The following TAOK1 variants were observed in gnomAD, a reference collection of about 807,000 sequenced individuals.
The protein encoded by TAOK1 is serine/threonine-protein kinase TAO1.
TAOK1 carries 21 observed loss-of-function variants against 138.3 expected under a neutral mutation model. The ratio of observed to expected loss-of-function variants is 0.15; its 90% CI spans 0.11 to 0.22. The LOEUF (loss-of-function observed/expected upper bound fraction) is 0.22. TAOK1 is among the 10% of genes least tolerant of loss of function. The pLI, the probability that TAOK1 is intolerant of heterozygous loss-of-function variation, is 1.00. For missense variants in TAOK1, 651 were observed against 1,227.7 expected, an observed-to-expected ratio of 0.53 and a Z score of 7.02; for synonymous variants, 361 against 398.4, an observed-to-expected ratio of 0.91 and a Z score of 1.12.
chr17:29,392,081 T>G (rs1904451162), intron 1 of TAOK1, among the ~76,000 whole-genome samples: 1 of 152,094 alleles, frequency 6.6e-6, no homozygotes, highest in African/African-American at 2.4e-5. Context: ...CTGGGCATGG[T>G]GGCACGCGCC....
chr17:29,425,802 T>G (rs1905617518), intron 1 of TAOK1, among the ~76,000 whole-genome samples: 1 of 152,242 alleles, frequency 6.6e-6, no homozygotes, highest in African/African-American at 2.4e-5. Context: ...TTAAAATTGA[T>G]AGGTAATTTA....
intron 19 of TAOK1, among the ~76,000 whole-genome samples, chr17:29,539,646 G>A (rs1319515415): frequency 6.6e-6 from 1 of 152,142 alleles, no homozygotes; most frequent in Non-Finnish European, 1.5e-5. Flanking sequence ...ATGTTGGTCA[G>A]GCTGGTCTCG....
rs1873124471 is a variant in TAOK1, at chr17:29,543,103, C to T, written c.*81C>T. On this transcript the variant is annotated 3_prime_UTR_variant, in exon 20 of 20. Transcript: ENST00000261716. ...ACAGACATCATCACAGCAGCCTCCT[C>T]ACTTGGGTACTACAGTGTGGAAGCT... is the stretch of plus-strand genomic sequence containing the variant. The T allele has an allele frequency of 1.6e-6, 2 of 1,221,424 alleles. No individual in the cohort carries two copies. Among genetic ancestry groups the T allele is most frequent in the Non-Finnish European group, 2.3e-6 (2 of 884,202 alleles). 75.7% of individuals were successfully genotyped at this position (1,221,424 alleles called of 1,614,324 possible).
In TAOK1 at chr17:29,544,300, G is replaced by A. The variant is rs1362985593; in HGVS notation, c.*1278G>A. ...ATCACCACTGTAGATTTTGCTGCATGTGCAGGTCCTCTATTTTTAATTGCT... is the reference window on the plus strand; with the variant it reads ...ATCACCACTGTAGATTTTGCTGCATATGCAGGTCCTCTATTTTTAATTGCT... On this transcript the variant is annotated 3_prime_UTR_variant, in exon 20 of 20. Transcript: ENST00000261716. 1.3e-5 allele frequency: 2 copies of A among 152,628 alleles called. No homozygotes were observed. Among genetic ancestry groups the A allele is most frequent in the Admixed American group, 6.5e-5 (1 of 15,276 alleles). 9.5% of individuals were successfully genotyped at this position (152,628 alleles called of 1,614,324 possible).
chr17:29,471,841 A>G (rs770139892), intron 3 of TAOK1, among the ~76,000 whole-genome samples: 60 of 152,222 alleles, frequency 3.9e-4, no homozygotes, highest in Non-Finnish European at 7.2e-4. Flanking sequence ...AACTTTCAAA[A>G]TTGGAGTCCA....
intron 3 of TAOK1, among the ~76,000 whole-genome samples, chr17:29,472,627 G>A (rs1319762022): frequency 1.4e-5 from 2 of 147,364 alleles, no homozygotes; most frequent in African/African-American, 5.0e-5. Context: ...AGGCTGGGGT[G>A]CAATGGCACT....
intron 4 of TAOK1, 121 bp downstream of exon 4, chr17:29,475,892 A>T (rs1873362830): frequency 2.7e-6 from 2 of 735,744 alleles, no homozygotes; most frequent in Admixed American, 5.6e-5. Flanking sequence ...GTTAGTTCGT[A>T]CTGAAAGAAA....
chr17:29,457,432 G>A (rs1431129954), intron 2 of TAOK1, among the ~76,000 whole-genome samples: 2 of 106,956 alleles, frequency 1.9e-5, no homozygotes, highest in Non-Finnish European at 1.9e-5. Context: ...TTGAGATGGA[G>A]TGTGGCTCTG....
At chr17:29,533,816 C>CAGAGGGAGACCGGGGAAAGAGAGGG (rs2032173804) in intron 18 of TAOK1, among the ~76,000 whole-genome samples, 3 of 54,128 alleles carry the variant, frequency 5.5e-5, no homozygotes, top group Admixed American at 2.1e-4. Flanking sequence ...GGCTCGGCAT[C>CAGAGGGAGACCGGGGAAAGAGAGGG]AGAGGGAGAC....
At chr17:29,435,306 T>C (rs944017875) in intron 1 of TAOK1, among the ~76,000 whole-genome samples, 8 of 152,190 alleles carry the variant, frequency 5.3e-5, no homozygotes, top group African/African-American at 1.9e-4. Flanking sequence ...AAATGTATGG[T>C]AAATTTTGGA....
chr17:29,437,769 T>C (rs1374687143), intron 1 of TAOK1, among the ~76,000 whole-genome samples: 1 of 144,586 alleles, frequency 6.9e-6, no homozygotes, highest in Non-Finnish European at 1.5e-5. Context: ...AGTCTCACTC[T>C]GTCACCCGGG....
rs950813911 is a variant in TAOK1 at position 29,544,805 on chromosome 17, T to C, written c.*1783T>C. ...TGCTGCTAACTCTGGATCCTGCTTT[T>C]CCTATAGTCAGAGGGCTCCAAGGTA... On this transcript the variant is annotated 3_prime_UTR_variant, in exon 20 of 20. Transcript: ENST00000261716. The C allele has an allele frequency of 1.3e-5, 2 of 152,214 alleles. No individual in the cohort carries two copies. Among genetic ancestry groups the C allele is most frequent in the African/African-American group, 4.8e-5 (2 of 41,452 alleles). 9.4% of individuals were successfully genotyped at this position (152,214 alleles called of 1,614,324 possible).
rs2031167888 is a variant in TAOK1, at chr17:29,486,166, G to A, written c.656-3498G>A. 2.6e-5 allele frequency among the ~76,000 whole-genome samples: 4 copies of A among 152,036 alleles called. No homozygotes were observed. The South Asian group carries it at 8.3e-4, about 32-fold the overall frequency. On this transcript the variant is annotated intron_variant, in intron 8 of 19. Transcript: ENST00000261716. ...TAATTTGGCATGGTGACATGCACCT[G>A]TAGTCCCAGCTGCTTTGGGGGCTGA... is the stretch of plus-strand genomic sequence containing the variant.
intron 8 of TAOK1, among the ~76,000 whole-genome samples, chr17:29,488,847 T>C (rs2031235927): frequency 1.3e-5 from 2 of 151,934 alleles, no homozygotes; most frequent in African/African-American, 4.8e-5. Flanking sequence ...ATCAGTTGAA[T>C]AGAAAACTGA....
intron 2 of TAOK1, among the ~76,000 whole-genome samples, chr17:29,455,630 T>C (rs958878000): frequency 6.6e-6 from 1 of 150,470 alleles, no homozygotes; most frequent in South Asian, 2.1e-4. Context: ...CCCTTTATCA[T>C]GTTGAAGAAG....
chr17:29,398,705 T>G (rs1487959354), intron 1 of TAOK1, among the ~76,000 whole-genome samples: 1 of 151,900 alleles, frequency 6.6e-6, no homozygotes, highest in African/African-American at 2.4e-5. Flanking sequence ...AATGTTTTTG[T>G]TTTTTTAGTA....
intron 10 of TAOK1, among the ~76,000 whole-genome samples, chr17:29,493,320 C>A (rs1056106156): frequency 6.6e-6 from 1 of 151,922 alleles, no homozygotes; most frequent in African/African-American, 2.4e-5. Flanking sequence ...CGTGGAGAAA[C>A]CCTGTCTCTA....
chr17:29,459,701 A>G (rs913653646), intron 2 of TAOK1, among the ~76,000 whole-genome samples: 1 of 152,214 alleles, frequency 6.6e-6, no homozygotes. Flanking sequence ...TAGTGCTGCA[A>G]TAAACATGAG....
chr17:29,394,150 G>GTTTTTTTTTTTTTTTTTTTTTTTTTT (rs58117433), intron 1 of TAOK1, among the ~76,000 whole-genome samples: 1 of 48,278 alleles, frequency 2.1e-5, no homozygotes, highest in African/African-American at 7.8e-5. Flanking sequence ...TAATTTGCCA[G>GTTTTTTTTTTTTTTTTTTTTTTTTTT]TTTTTTTTTT....
Sources: allele counts gnomAD v4.1 joint callset (sites outside exome capture counted in the v4.1 genomes callset), GRCh38; gene constraint gnomAD v4.1.1; transcripts MANE v1.5; gene names NCBI Gene and HGNC (gene_info 2026-07-23, HGNC 2026-07-21).